CACNA1E: variants seen among roughly 807,000 people sequenced by gnomAD.
The protein encoded by CACNA1E is voltage-dependent R-type calcium channel subunit alpha-1E.
In CACNA1E, 40 loss-of-function variants were observed where a neutral mutation model predicts 259.2. That is an observed-to-expected ratio of 0.15 (90% CI 0.12 to 0.20). CACNA1E has a LOEUF of 0.20. CACNA1E is among the 10% of genes least tolerant of loss of function. The pLI is 1.00. For synonymous variants in CACNA1E, 1,104 were observed against 1,138.5 expected, an observed-to-expected ratio of 0.97 and a Z score of 0.61; for missense variants, 1,874 against 3,040.1, an observed-to-expected ratio of 0.62 and a Z score of 9.02.
In CACNA1E at chr1:181,483,798, C is replaced by T. The variant is rs750865034; in HGVS notation, c.54C>T (p.Asp18=). The change falls in exon 1 of 48, where the codon GAC becomes GAT. Residue 18 remains aspartate, a synonymous_variant. Coordinates refer to ENST00000367573, the MANE Select transcript of CACNA1E (RefSeq NM_001205293.3). ...CCAGGCCAGGGTCCGGCGATGGAGA[C>T]TCGGACCAGAGCAGGAACCGGCAAG... ...VVARPGSGDG[D]SDQSRNRQGT... 1.4e-5 allele frequency: 22 copies of T among 1,612,596 alleles called. 1 individual carries two copies. Among genetic ancestry groups the T allele is most frequent in the Non-Finnish European group, 1.6e-5 (19 of 1,179,220 alleles).
chr1:181,579,064 C>T lies in CACNA1E; in HGVS notation c.617-8C>T, dbSNP rs1651265919. ...GCTGCATTGGTCATTCTCTGTCCTT[C>T]CTTCTAGGCCTGCAGATTGTGTTGA... On this transcript the variant is annotated splice_region_variant and splice_polypyrimidine_tract_variant and intron_variant, in intron 4 of 47. Transcript: ENST00000367573. The T allele has an allele frequency of 1.3e-6, 2 of 1,598,248 alleles. No homozygotes were observed. Among genetic ancestry groups the T allele is most frequent in the Admixed American group, 1.7e-5 (1 of 57,530 alleles).
Position 181,724,473 on chromosome 1 carries a change from C to T in CACNA1E, c.2078C>T (p.Thr693Met), listed in dbSNP as rs375559507. The change falls in exon 17 of 48, where the codon ACG (threonine) becomes ATG (methionine). Residue 693 changes from threonine to methionine, a missense_variant. Physicochemically the swap from Thr to Met is moderately conservative, Grantham distance 81 (BLOSUM62 -1). Around this residue, in one of 14 missense-constraint regions of CACNA1E, gnomAD observed 102 missense variants for 279.4 expected, o/e 0.37. Transcript: ENST00000367573. ...FIVLTLFGNY[T>M]LLNVFLAIAV... ...CATCCTTAATTCATCACCCCAGACA[C>T]GCTACTGAATGTGTTCTTGGCTATC... is the stretch of plus-strand genomic sequence containing the variant. 2 of 1,612,956 alleles carry T rather than the reference C, an allele frequency of 1.2e-6. No homozygotes were observed. Among genetic ancestry groups the T allele is most frequent in the Non-Finnish European group, 8.5e-7 (1 of 1,179,326 alleles).
Position 181,758,746 on chromosome 1 carries a change from T to C in CACNA1E, c.4495-12T>C, listed in dbSNP as rs373657802. On this transcript the variant is annotated splice_polypyrimidine_tract_variant and intron_variant, in intron 31 of 47. Transcript: ENST00000367573. The surrounding 1 kb of genome is among the most constrained non-coding windows in gnomAD (Gnocchi z 4.2). ...CTGTGATTCTTTCTCTCTTCTTTTTTCTTCCTGGCAGTATTATTCTGCTCC... is the reference window on the plus strand; with the variant it reads ...CTGTGATTCTTTCTCTCTTCTTTTTCCTTCCTGGCAGTATTATTCTGCTCC... The C allele has an allele frequency of 2.9e-5, 42 of 1,431,918 alleles. No homozygotes were observed. In the African/African-American group the frequency reaches 3.3e-4, roughly 11 times the overall value. The allele number at this position is 1,431,918 out of a possible 1,614,324, so 88.7% of individuals were successfully genotyped here. A position where few individuals can be genotyped will look rare whatever the true frequency, so the allele number is the denominator to read the frequency against.
chr1:181,357,054 T>C (rs1653503899), intron 1 of CACNA1E, among the ~76,000 whole-genome samples: 2 of 152,102 alleles, frequency 1.3e-5, no homozygotes, highest in Non-Finnish European at 2.9e-5. Flanking sequence ...CTCTTCTCCT[T>C]TTTAGCAGCG....
chr1:181,576,982 T>G (rs1558145496), intron 3 of CACNA1E, among the ~76,000 whole-genome samples: 1 of 152,232 alleles, frequency 6.6e-6, no homozygotes, highest in Non-Finnish European at 1.5e-5. Context: ...AGACTTAAAC[T>G]CAGTTCTTCT....
chr1:181,784,831 G>T, intron 41 of CACNA1E, 63 bp downstream of exon 41: 1 of 976,986 alleles, frequency 1.0e-6, no homozygotes, highest in Non-Finnish European at 1.6e-6. Context: ...CTACGTCTTT[G>T]GGGGGAACCC....
chr1:181,477,619 T>C (rs1418466168), intron 2 of CACNA1E, among the ~76,000 whole-genome samples: 1 of 152,176 alleles, frequency 6.6e-6, no homozygotes, highest in Non-Finnish European at 1.5e-5. Context: ...CTTTCTGACC[T>C]GATCTCAGGC....
chr1:181,371,058 G>A (rs1414317840), intron 1 of CACNA1E, among the ~76,000 whole-genome samples: 1 of 152,090 alleles, frequency 6.6e-6, no homozygotes, highest in African/African-American at 2.4e-5. Context: ...CTTGTTGGCT[G>A]CACGTATGTC....
chr1:181,746,566 C>A (rs918862849), intron 25 of CACNA1E, among the ~76,000 whole-genome samples: 1 of 152,196 alleles, frequency 6.6e-6, no homozygotes, highest in Non-Finnish European at 1.5e-5. Context: ...GATCTCTCCT[C>A]AACCTACAGA....
intron 25 of CACNA1E, among the ~76,000 whole-genome samples, chr1:181,740,548 T>C (rs1440594050): frequency 6.6e-6 from 1 of 152,112 alleles, no homozygotes; most frequent in African/African-American, 2.4e-5. Context: ...TCTCTCTCTC[T>C]TAAGGAGAGG....
At chr1:181,453,670 C>T (rs1259590452) in intron 2 of CACNA1E, among the ~76,000 whole-genome samples, 1 of 151,340 alleles carries the variant, frequency 6.6e-6, no homozygotes, top group Non-Finnish European at 1.5e-5. Flanking sequence ...TGGCAGAATC[C>T]CGCAGTGGAC....
chr1:181,385,559 A>G (rs1655783673), intron 1 of CACNA1E, among the ~76,000 whole-genome samples: 1 of 152,226 alleles, frequency 6.6e-6, no homozygotes, highest in Admixed American at 6.5e-5. Flanking sequence ...TTGTTCTAGC[A>G]TTGTAAATAG....
intron 17 of CACNA1E, among the ~76,000 whole-genome samples, chr1:181,724,791 C>T (rs1335561671): frequency 6.6e-6 from 1 of 152,212 alleles, no homozygotes; most frequent in Non-Finnish European, 1.5e-5. Context: ...TTTCTATGAG[C>T]CCTCAAAGGA....
rs759954121 is a variant in CACNA1E at position 181,691,432 on chromosome 1, G to A, written c.1056-19522G>A. 2.6e-5 allele frequency among the ~76,000 whole-genome samples: 4 copies of A among 151,934 alleles called. No individual in the cohort carries two copies. The East Asian group carries it at 7.7e-4, about 29-fold the overall frequency. On this transcript the variant is annotated intron_variant, in intron 7 of 47. Transcript: ENST00000367573. ...ATGATCAAAATCTGGAATGAAAAGG[G>A]TGGCATCACTATAGATCCTACAGAA...
At position 181,798,645 on chromosome 1, in the gene CACNA1E, T is replaced by G; in HGVS notation, c.6753T>G (p.Thr2251=). ...ACTGTGGTGAGGAGGAGACGCTCAC[T>G]TTCGAAGCAGCCGTGGCTACTAGCC... is the stretch of plus-strand genomic sequence containing the variant. ...ASDCGEEETL[T]FEAAVATSLG... is the part of the protein sequence containing the mutation. The change falls in exon 48 of 48, where the codon ACT becomes ACG. Residue 2251 remains threonine, a synonymous_variant. Transcript: ENST00000367573. This position sits in a 1 kb window ranked among gnomAD's most constrained non-coding sequence, Gnocchi z 4.2. The G allele has an allele frequency of 6.2e-7, 1 of 1,610,602 alleles. No homozygotes were observed. The highest frequency in any genetic ancestry group is 8.5e-7 in the Non-Finnish European group (1 of 1,177,608).
At chr1:181,403,558 G>C (rs186160777) in intron 1 of CACNA1E, among the ~76,000 whole-genome samples, 1 of 152,080 alleles carries the variant, frequency 6.6e-6, no homozygotes, top group African/African-American at 2.4e-5. Context: ...TGAAGTCTCA[G>C]TGTCCATTTA....
intron 1 of CACNA1E, among the ~76,000 whole-genome samples, chr1:181,508,147 TTGTG>T (rs55742094): frequency 3.4e-5 from 5 of 148,948 alleles, no homozygotes; most frequent in South Asian, 4.3e-4. Flanking sequence ...CCCAAACGCC[TTGTG>T]TGTGTGTGTG....
intron 6 of CACNA1E, among the ~76,000 whole-genome samples, chr1:181,614,759 A>C (rs905851742): frequency 6.6e-6 from 1 of 152,222 alleles, no homozygotes; most frequent in African/African-American, 2.4e-5. Flanking sequence ...TATAATCTGT[A>C]TATTTTATGG....
At chr1:181,623,065 T>C (rs1655868153) in intron 6 of CACNA1E, among the ~76,000 whole-genome samples, 1 of 152,216 alleles carries the variant, frequency 6.6e-6, no homozygotes, top group South Asian at 2.1e-4. Context: ...ACAATGATTA[T>C]TAATCATCAT....
Sources: gnomAD v4.1 joint callset for allele counts (sites outside exome capture counted in the v4.1 genomes callset) on GRCh38, gnomAD v4.1.1 for gene constraint, gnomAD v4.1.1 regional missense constraint, Gnocchi (gnomAD v3.1) non-coding constraint, MANE v1.5 for transcripts, NCBI Gene and HGNC (gene_info 2026-07-23, HGNC 2026-07-21) for gene names.